The following PLEKHA2 variants were observed in gnomAD, a reference collection of about 807,000 sequenced individuals.
PLEKHA2 encodes pleckstrin homology domain-containing family A member 2.
In PLEKHA2, 28 loss-of-function variants were observed where a neutral mutation model predicts 53.2. The observed-to-expected ratio is 0.53, with a 90% CI of 0.39 to 0.72. The LOEUF is 0.72. Among genes scored for constraint, PLEKHA2 ranks in the 30% least tolerant of loss-of-function variants. The pLI, the probability that PLEKHA2 is intolerant of heterozygous loss-of-function variation, is 0.00. For missense variants in PLEKHA2, 426 were observed against 537.9 expected (o/e 0.79, Z 2.06); for synonymous variants, 193 against 196.4 (o/e 0.98, Z 0.14).
At chr8:38,918,483 C>A (rs1834107591) in intron 2 of PLEKHA2, among the ~76,000 whole-genome samples, 1 of 142,912 alleles carries the variant, frequency 7.0e-6, no homozygotes. Flanking sequence ...ACGACACACA[C>A]CATACACACA....
intron 2 of PLEKHA2, 24 bp downstream of exon 2, chr8:38,918,094 T>G: frequency 1.2e-6 from 2 of 1,605,902 alleles, no homozygotes; most frequent in East Asian, 2.2e-5. Context: ...TGGGAAGGGG[T>G]GGGGCGACTG....
intron 2 of PLEKHA2, among the ~76,000 whole-genome samples, chr8:38,921,587 G>A (rs974896159): frequency 4.6e-5 from 7 of 152,240 alleles, no homozygotes; most frequent in African/African-American, 1.7e-4. Context: ...GCCTCGGGCT[G>A]CCTTCTAAGC....
At chr8:38,959,695 A>AG (rs1465024504) in intron 10 of PLEKHA2, among the ~76,000 whole-genome samples, 2 of 152,218 alleles carry the variant, frequency 1.3e-5, no homozygotes, top group Non-Finnish European at 2.9e-5. Flanking sequence ...AGCCTGAATG[A>AG]GGGTAGATGG....
At chr8:38,907,818 T>C (rs540955679) in intron 1 of PLEKHA2, among the ~76,000 whole-genome samples, 1 of 147,176 alleles carries the variant, frequency 6.8e-6, no homozygotes, top group Non-Finnish European at 1.5e-5. Flanking sequence ...GCCACTTATT[T>C]TATGTATGTA....
intron 11 of PLEKHA2, 103 bp from the exon 12 acceptor site, chr8:38,969,318 G>A (rs1835198172): frequency 3.7e-6 from 5 of 1,349,052 alleles, no homozygotes; most frequent in Non-Finnish European, 5.0e-6. Context: ...TTGGACTTAT[G>A]AGGTGGTGAT....
In PLEKHA2 at chr8:38,970,438, A is replaced by T. The variant is rs1350029888; in HGVS notation, c.*655A>T. 7 of 157,952 alleles carry T rather than the reference A, an allele frequency of 4.4e-5. No homozygotes were observed. The highest frequency in any genetic ancestry group is 9.7e-5 in the Non-Finnish European group (7 of 71,882). The allele number at this position is 157,952 out of a possible 1,614,324, so 9.8% of individuals were successfully genotyped here. ...ATTTTTAATGAAATAGAAGCTTGGC[A>T]TAGAAACATTGATTTAGATGTTATG... is the stretch of plus-strand genomic sequence containing the variant. On this transcript the variant is annotated 3_prime_UTR_variant, in exon 12 of 12. Coordinates refer to ENST00000617275, the MANE Select transcript of PLEKHA2 (RefSeq NM_021623.2).
intron 1 of PLEKHA2, among the ~76,000 whole-genome samples, chr8:38,902,227 G>A (rs1003951855): frequency 1.5e-5 from 2 of 135,484 alleles, no homozygotes; most frequent in African/African-American, 5.2e-5. Flanking sequence ...GTGTGGGGGG[G>A]GGTGGTGGGA....
chr8:38,965,838 C>T (rs1418842545), intron 10 of PLEKHA2, among the ~76,000 whole-genome samples: 3 of 152,116 alleles, frequency 2.0e-5, no homozygotes, highest in Non-Finnish European at 4.4e-5. Flanking sequence ...ACTTACAGAG[C>T]CCATTCTGTG....
intron 9 of PLEKHA2, among the ~76,000 whole-genome samples, chr8:38,955,738 C>T (rs1006657683): frequency 7.9e-5 from 12 of 152,222 alleles, no homozygotes; most frequent in African/African-American, 2.7e-4. Context: ...TAAAGCCAAC[C>T]CCACCTGTGA....
intron 2 of PLEKHA2, among the ~76,000 whole-genome samples, chr8:38,920,244 G>A (rs998649376): frequency 4.0e-5 from 6 of 151,822 alleles, no homozygotes; most frequent in Admixed American, 1.3e-4. Flanking sequence ...TCTGCCTCCC[G>A]GGTTCACGCC....
At chr8:38,944,682 G>A (rs983533766) in intron 4 of PLEKHA2, among the ~76,000 whole-genome samples, 8 of 151,916 alleles carry the variant, frequency 5.3e-5, no homozygotes, top group African/African-American at 1.7e-4. Flanking sequence ...CCGCCCCCAC[G>A]ACCCATCATG....
intron 1 of PLEKHA2, among the ~76,000 whole-genome samples, chr8:38,910,295 A>G (rs1021122935): frequency 6.6e-6 from 1 of 152,180 alleles, no homozygotes; most frequent in African/African-American, 2.4e-5. Context: ...ATATGAGGCT[A>G]CGTCTTGGTT....
intron 2 of PLEKHA2, among the ~76,000 whole-genome samples, chr8:38,934,816 G>GTATA (rs145687960): frequency 3.1e-4 from 46 of 150,512 alleles, no homozygotes; most frequent in African/African-American, 1.0e-3. Context: ...CTGAACAGAT[G>GTATA]TATATATATA....
intron 1 of PLEKHA2, among the ~76,000 whole-genome samples, chr8:38,917,313 C>T (rs1834078447): frequency 6.6e-6 from 1 of 152,044 alleles, no homozygotes. Flanking sequence ...GCTTTGGTTG[C>T]CTGTGCTTGT....
chr8:38,968,717 C>T (rs1254768531), intron 11 of PLEKHA2, 48 bp downstream of exon 11: 2 of 1,593,512 alleles, frequency 1.3e-6, no homozygotes, highest in East Asian at 2.2e-5. Flanking sequence ...GAGATGAATT[C>T]CTCTCAAGCA....
intron 3 of PLEKHA2, among the ~76,000 whole-genome samples, chr8:38,940,032 C>T (rs961695419): frequency 1.4e-5 from 2 of 147,018 alleles, no homozygotes; most frequent in African/African-American, 5.0e-5. Context: ...GAGTTTGAGG[C>T]TGACCAAGCC....
rs559386280 is a variant in PLEKHA2 at position 38,903,577 on chromosome 8, A to G, written c.-24+2132A>G. Among the ~76,000 whole-genome samples the G allele has an allele frequency of 4.6e-5, 7 of 152,254 alleles. No individual in the cohort carries two copies. The South Asian group carries it at 1.5e-3, about 32-fold the overall frequency. ...TGCAGAAGTGGGAAGGGGAAGGCTG[A>G]TGAGCCCTATCAGCTGAGCCCCAGA... On this transcript the variant is annotated intron_variant, in intron 1 of 11. Coordinates refer to ENST00000617275, the MANE Select transcript of PLEKHA2 (RefSeq NM_021623.2).
At chr8:38,956,837 G>A (rs1053796434) in intron 9 of PLEKHA2, among the ~76,000 whole-genome samples, 1 of 152,224 alleles carries the variant, frequency 6.6e-6, no homozygotes. Flanking sequence ...CTGACCCTGA[G>A]TGTGGGTCTG....
At chr8:38,905,382 C>T (rs1335984279) in intron 1 of PLEKHA2, among the ~76,000 whole-genome samples, 2 of 151,908 alleles carry the variant, frequency 1.3e-5, no homozygotes, top group Non-Finnish European at 2.9e-5. Context: ...TTTTTGAACT[C>T]AGGAGTTTGA....
Sources: allele counts gnomAD v4.1 joint callset (sites outside exome capture counted in the v4.1 genomes callset), GRCh38; gene constraint gnomAD v4.1.1; transcripts MANE v1.5; gene names NCBI Gene and HGNC (gene_info 2026-07-23, HGNC 2026-07-21).